KIAA1217: variants seen among roughly 807,000 people sequenced by gnomAD.
The protein encoded by KIAA1217 is sickle tail protein homolog.
A neutral mutation model predicts 163.9 loss-of-function variants in KIAA1217; 88 were observed. The ratio of observed to expected loss-of-function variants is 0.54; its 90% CI spans 0.45 to 0.64. The LOEUF (loss-of-function observed/expected upper bound fraction) is 0.64, where lower values mean the gene tolerates loss of function less well. KIAA1217 is among the 30% of genes least tolerant of loss of function. The pLI, the probability that KIAA1217 is intolerant of heterozygous loss-of-function variation, is 0.00. For missense variants in KIAA1217, 2,372 were observed against 2,475.0 expected, an observed-to-expected ratio of 0.96 and a Z score of 0.88; for synonymous variants, 903 against 923.1, an observed-to-expected ratio of 0.98 and a Z score of 0.39.
intron 10 of KIAA1217, among the ~76,000 whole-genome samples, chr10:24,514,982 A>G (rs1024398313): frequency 1.2e-4 from 18 of 151,624 alleles, no homozygotes; most frequent in African/African-American, 4.4e-4. Context: ...ACAGAGCACA[A>G]CTCCGTCTCA....
chr10:24,360,818 A>C (rs2049878272), intron 2 of KIAA1217, among the ~76,000 whole-genome samples: 1 of 152,066 alleles, frequency 6.6e-6, no homozygotes, highest in South Asian at 2.1e-4. Flanking sequence ...TGTTCTTCCC[A>C]TTTTTAAAAC....
intron 1 of KIAA1217, among the ~76,000 whole-genome samples, chr10:23,762,309 A>G (rs1455886415): frequency 7.7e-6 from 1 of 130,086 alleles, no homozygotes; most frequent in Admixed American, 7.5e-5. Flanking sequence ...TGGAAGAGAC[A>G]CAACAAAAAA....
intron 2 of KIAA1217, among the ~76,000 whole-genome samples, chr10:24,075,119 TACACAC>T (rs71397929): frequency 0.06 from 7,912 of 131,458 alleles, 457 homozygotes; most frequent in African/African-American, 0.16. Context: ...TCCCCCTAAA[TACACAC>T]ACACACACAC....
At chr10:24,397,572 A>T (rs2055971329) in intron 3 of KIAA1217, among the ~76,000 whole-genome samples, 1 of 152,150 alleles carries the variant, frequency 6.6e-6, no homozygotes, top group Non-Finnish European at 1.5e-5. Flanking sequence ...AAAAGTAAAA[A>T]CGACAAAGAT....
intron 2 of KIAA1217, among the ~76,000 whole-genome samples, chr10:24,223,708 GT>G (rs2069997640): frequency 6.8e-6 from 1 of 147,238 alleles, no homozygotes; most frequent in Non-Finnish European, 1.5e-5. Context: ...TAAAATCTAG[GT>G]TCTTTTTTTT....
At chr10:24,142,572 CA>C (rs2064132839) in intron 2 of KIAA1217, among the ~76,000 whole-genome samples, 1 of 152,006 alleles carries the variant, frequency 6.6e-6, no homozygotes, top group Non-Finnish European at 1.5e-5. Flanking sequence ...ATCCATGTAA[CA>C]AAACTGTACT....
intron 1 of KIAA1217, among the ~76,000 whole-genome samples, chr10:23,869,616 T>C (rs1370681003): frequency 6.6e-6 from 1 of 152,058 alleles, no homozygotes; most frequent in Non-Finnish European, 1.5e-5. Context: ...CAACTTACAG[T>C]TGTAACGCAG....
rs568574313 is a variant in KIAA1217, at chr10:23,814,550, G to A, written c.-321+119316G>A. On this transcript the variant is annotated intron_variant, in intron 1 of 18. Coordinates refer to the KIAA1217 transcript ENST00000376462. ...TGACCCAAACAAGCACTCAACATAA[G>A]TATTAAATGAACAAGTTATGGGAAA... Among the ~76,000 whole-genome samples, 3 of 152,268 alleles carry A rather than the reference G, an allele frequency of 2.0e-5. No homozygotes were observed. In the East Asian group the frequency reaches 5.8e-4, roughly 29 times the overall value.
chr10:24,078,775 A>G (rs929443696), intron 2 of KIAA1217, among the ~76,000 whole-genome samples: 2 of 151,834 alleles, frequency 1.3e-5, no homozygotes, highest in Non-Finnish European at 2.9e-5. Flanking sequence ...GAGACAGATG[A>G]GAGAGAGAGA....
intron 2 of KIAA1217, among the ~76,000 whole-genome samples, chr10:24,367,750 C>A (rs1174795876): frequency 1.4e-4 from 22 of 152,184 alleles, no homozygotes; most frequent in Admixed American, 1.4e-3. Flanking sequence ...CTTATATACA[C>A]CAGGCACTGT....
At chr10:24,233,992 T>G (rs2071820315) in intron 2 of KIAA1217, among the ~76,000 whole-genome samples, 1 of 152,220 alleles carries the variant, frequency 6.6e-6, no homozygotes, top group African/African-American at 2.4e-5. Context: ...CTCTTCATTC[T>G]GTTTAGTGTC....
chr10:24,533,278 G>T (rs752159383), intron 16 of KIAA1217, 41 bp downstream of exon 16: 3 of 1,564,646 alleles, frequency 1.9e-6, no homozygotes, highest in South Asian at 1.2e-5. Flanking sequence ...CTTGCCTCCC[G>T]CCTGGGTCTC....
chr10:24,291,485 G>A (rs1238102096), intron 2 of KIAA1217, among the ~76,000 whole-genome samples: 3 of 152,094 alleles, frequency 2.0e-5, no homozygotes, highest in South Asian at 4.1e-4. Flanking sequence ...AGTCAAGATC[G>A]CACCATTGCA....
chr10:24,476,010 T>C (rs542798865), intron 6 of KIAA1217, among the ~76,000 whole-genome samples: 4 of 152,252 alleles, frequency 2.6e-5, no homozygotes, highest in African/African-American at 9.6e-5. Context: ...CACTGACCTA[T>C]CCTAGATAAA....
chr10:24,238,183 T>A (rs1319954446), intron 2 of KIAA1217, among the ~76,000 whole-genome samples: 1 of 152,242 alleles, frequency 6.6e-6, no homozygotes, highest in Non-Finnish European at 1.5e-5. Context: ...TGTCACATCT[T>A]GCTCGCGGCT....
chr10:24,010,538 T>C (rs1238046989), intron 2 of KIAA1217, among the ~76,000 whole-genome samples: 1 of 151,628 alleles, frequency 6.6e-6, no homozygotes, highest in Non-Finnish European at 1.5e-5. Flanking sequence ...CTGTAGATCT[T>C]CCCCCCCTTC....
chr10:24,050,345 A>T (rs1481389944), intron 2 of KIAA1217, among the ~76,000 whole-genome samples: 1 of 152,256 alleles, frequency 6.6e-6, no homozygotes, highest in African/African-American at 2.4e-5. Context: ...TTTTGTTGCC[A>T]TTGCTTCTGG....
chr10:23,871,029 T>C (rs1840433762), intron 1 of KIAA1217, among the ~76,000 whole-genome samples: 2 of 151,922 alleles, frequency 1.3e-5, no homozygotes, highest in African/African-American at 2.4e-5. Context: ...TTTTTTTTTT[T>C]CCACAAAGCT....
chr10:23,829,230 A>G (rs776506591), intron 1 of KIAA1217, among the ~76,000 whole-genome samples: 1 of 152,190 alleles, frequency 6.6e-6, no homozygotes, highest in African/African-American at 2.4e-5. Flanking sequence ...AATAGGATGA[A>G]ATTGATTGAG....
Sources: allele counts gnomAD v4.1 joint callset (sites outside exome capture counted in the v4.1 genomes callset), GRCh38; gene constraint gnomAD v4.1.1; transcripts MANE v1.5; gene names NCBI Gene and HGNC (gene_info 2026-07-23, HGNC 2026-07-21).